Variants in RIMKLA observed in about 807,000 individuals in gnomAD.
RIMKLA encodes the protein ribosomal modification protein rimK like family member A.
RIMKLA carries 14 observed loss-of-function variants against 32.7 expected under a neutral mutation model. That is an observed-to-expected ratio of 0.43 (90% CI 0.28 to 0.67). The LOEUF (loss-of-function observed/expected upper bound fraction) is 0.67, where lower values mean the gene tolerates loss of function less well. RIMKLA is among the 30% of genes least tolerant of loss of function. RIMKLA has a pLI of 0.18. For missense variants in RIMKLA, 410 were observed against 519.0 expected (o/e 0.79, Z 2.04); for synonymous variants, 176 against 204.1 (o/e 0.86, Z 1.18).
In RIMKLA at chr1:42,415,261, G is replaced by C. The variant is rs1235675561; in HGVS notation, c.*287G>C. ...CTGACGCTAAGGCACTGACTCTGCT[G>C]TTGCTTCTGACTTTTAGCAGTAGAA... is the stretch of plus-strand genomic sequence containing the variant. On this transcript the variant is annotated 3_prime_UTR_variant, in exon 5 of 5. Coordinates refer to ENST00000431473, the MANE Select transcript of RIMKLA (RefSeq NM_173642.4). 2 of 320,996 alleles carry C rather than the reference G, an allele frequency of 6.2e-6. No individual in the cohort carries two copies. The highest frequency in any genetic ancestry group is 1.1e-5 in the Non-Finnish European group (2 of 175,166). The allele number at this position is 320,996 out of a possible 1,614,324, so 19.9% of individuals were successfully genotyped here.
chr1:42,385,830 T>TCCTTCCTTCCTTTCTC (rs1557749857), intron 1 of RIMKLA, among the ~76,000 whole-genome samples: 1 of 74,214 alleles, frequency 1.3e-5, no homozygotes, highest in Non-Finnish European at 3.2e-5. Flanking sequence ...CTTCCTTCCT[T>TCCTTCCTTCCTTTCTC]TCTTTCTTTC....
In RIMKLA at chr1:42,415,002, C is replaced by A; in HGVS notation, c.*28C>A. ...TCCTGCTTTTTGGCAGCATTTAAAC[C>A]AAATCCTACTGCTTCCCTAGTAGTT... On this transcript the variant is annotated 3_prime_UTR_variant, in exon 5 of 5. Coordinates refer to ENST00000431473, the MANE Select transcript of RIMKLA (RefSeq NM_173642.4). The A allele has an allele frequency of 6.4e-7, 1 of 1,567,872 alleles. No homozygotes were observed. Among genetic ancestry groups the A allele is most frequent in the South Asian group, 1.2e-5 (1 of 84,350 alleles).
intron 1 of RIMKLA, among the ~76,000 whole-genome samples, chr1:42,385,852 T>C (rs557226424): frequency 0.047 from 1,056 of 22,672 alleles, 179 homozygotes; most frequent in East Asian, 0.11. Flanking sequence ...TTCTCTTTCT[T>C]TCTTTCTTTC....
chr1:42,407,111 G>T (rs1643154025), intron 3 of RIMKLA, among the ~76,000 whole-genome samples: 1 of 151,930 alleles, frequency 6.6e-6, no homozygotes, highest in African/African-American at 2.4e-5. Context: ...TTGTCATGTT[G>T]CCCAGGCTGG....
At chr1:42,382,779 G>A (rs373910407) in intron 1 of RIMKLA, among the ~76,000 whole-genome samples, 16 of 152,236 alleles carry the variant, frequency 1.1e-4, no homozygotes, top group African/African-American at 3.9e-4. Flanking sequence ...GAAACACTCA[G>A]ACCCTTTTGT....
rs1643283469 is a variant in RIMKLA, at chr1:42,420,212, A to G, written c.*5238A>G. ...TTTTTGCAGCCACTGCTGACTCCAC[A>G]CTTCTGCTACCTCATTTTAAATAGC... On this transcript the variant is annotated 3_prime_UTR_variant, in exon 5 of 5. Coordinates refer to ENST00000431473, the MANE Select transcript of RIMKLA (RefSeq NM_173642.4). 6.6e-6 allele frequency: 1 copy of G among 152,126 alleles called. No individual in the cohort carries two copies. 9.4% of individuals were successfully genotyped at this position (152,126 alleles called of 1,614,324 possible). A position where few individuals can be genotyped will look rare whatever the true frequency, so the allele number is the denominator to read the frequency against.
At chr1:42,412,467 C>A in intron 4 of RIMKLA, 1 of 338,742 alleles carries the variant, frequency 3.0e-6, no homozygotes, top group South Asian at 2.5e-5. Flanking sequence ...CCATGATGGC[C>A]ATGATGCCAG....
chr1:42,391,108 T>C (rs1642996632), intron 1 of RIMKLA, among the ~76,000 whole-genome samples: 1 of 152,088 alleles, frequency 6.6e-6, no homozygotes, highest in Non-Finnish European at 1.5e-5. Context: ...GGTTGGAGAT[T>C]AGAATAAGGA....
intron 1 of RIMKLA, 81 bp from the exon 2 acceptor site, chr1:42,399,323 T>G: frequency 2.8e-6 from 3 of 1,063,052 alleles, no homozygotes; most frequent in Non-Finnish European, 4.1e-6. Context: ...AGGTTCAGTC[T>G]TGAAGAGTCT....
At chr1:42,395,304 G>C (rs1643033476) in intron 1 of RIMKLA, among the ~76,000 whole-genome samples, 3 of 151,432 alleles carry the variant, frequency 2.0e-5, no homozygotes, top group Admixed American at 6.6e-5. Context: ...TTTGAGGTTT[G>C]ATCTTTTTTC....
chr1:42,387,079 A>G (rs1642955899), intron 1 of RIMKLA, among the ~76,000 whole-genome samples: 1 of 151,044 alleles, frequency 6.6e-6, no homozygotes, highest in African/African-American at 2.4e-5. Context: ...ATAAATAAAT[A>G]AATAAATAAA....
Position 42,417,233 on chromosome 1 carries a change from G to C in RIMKLA, c.*2259G>C, listed in dbSNP as rs1353354017. 1 of 152,326 alleles carries C rather than the reference G, an allele frequency of 6.6e-6. No individual in the cohort carries two copies. Among genetic ancestry groups the C allele is most frequent in the Non-Finnish European group, 1.5e-5 (1 of 68,136 alleles). 9.4% of individuals were successfully genotyped at this position (152,326 alleles called of 1,614,324 possible). A position where few individuals can be genotyped will look rare whatever the true frequency, so the allele number is the denominator to read the frequency against. ...CTTCCAGATTCCTTTGCCAAAGGAG[G>C]CCCATTTTCCAGCTGTGAGTGACAT... On this transcript the variant is annotated 3_prime_UTR_variant, in exon 5 of 5. Transcript: ENST00000431473.
rs1259888834 is a variant in RIMKLA at position 42,424,232 on chromosome 1, A to C, written c.*9258A>C. Among the ~76,000 whole-genome samples, 1 of 152,244 alleles carries C rather than the reference A, an allele frequency of 6.6e-6. No individual in the cohort carries two copies. The highest frequency in any genetic ancestry group is 1.5e-5 in the Non-Finnish European group (1 of 68,046). Reference sequence around the variant, plus strand: ...ACATTAAATATCGAGGGATAGAGGTACATCATGTTTGCAATTTACTTTCAA... The same window carrying C: ...ACATTAAATATCGAGGGATAGAGGTCCATCATGTTTGCAATTTACTTTCAA... On this transcript the variant is annotated 3_prime_UTR_variant, in exon 5 of 5. Coordinates refer to ENST00000431473, the MANE Select transcript of RIMKLA (RefSeq NM_173642.4).
intron 4 of RIMKLA, chr1:42,412,401 G>C (rs934843963): frequency 3.8e-6 from 1 of 260,932 alleles, no homozygotes; most frequent in Non-Finnish European, 7.6e-6. Flanking sequence ...TACATCCCTA[G>C]AAAAATAATC....
At position 42,414,382 on chromosome 1, in the gene RIMKLA, G is replaced by T. The variant is rs985216025; in HGVS notation, c.686-102G>T. On this transcript the variant is annotated intron_variant, in intron 4 of 4. Coordinates refer to ENST00000431473, the MANE Select transcript of RIMKLA (RefSeq NM_173642.4). ...TCCAGACCTTTTGTGATTAATGATC[G>T]AGCCTCTCTTTCTGCCCCTCCTGGG... is the stretch of plus-strand genomic sequence containing the variant. 5.8e-6 allele frequency: 7 copies of T among 1,206,670 alleles called. No individual in the cohort carries two copies. The Admixed American group carries it at 1.6e-4, about 27-fold the overall frequency. The allele number at this position is 1,206,670 out of a possible 1,614,324, so 74.7% of individuals were successfully genotyped here.
chr1:42,391,640 G>A (rs1017751040), intron 1 of RIMKLA, among the ~76,000 whole-genome samples: 2 of 152,148 alleles, frequency 1.3e-5, no homozygotes, highest in Non-Finnish European at 2.9e-5. Flanking sequence ...GAGTGGAGAT[G>A]GGAAGAGGTG....
In RIMKLA at chr1:42,415,118, T is replaced by G. The variant is rs559463243; in HGVS notation, c.*144T>G. The G allele has an allele frequency of 1.2e-6, 1 of 866,906 alleles. No homozygotes were observed. Among genetic ancestry groups the G allele is most frequent in the South Asian group, 1.8e-5 (1 of 56,758 alleles). The allele number at this position is 866,906 out of a possible 1,614,324, so 53.7% of individuals were successfully genotyped here. On this transcript the variant is annotated 3_prime_UTR_variant, in exon 5 of 5. Transcript: ENST00000431473. ...ACTCAGCATTTTTTCTAACGATGAT[T>G]TAAGCAAATGGCCTAGCTTTGTGGT...
chr1:42,411,058 G>A (rs1438535536), intron 4 of RIMKLA, among the ~76,000 whole-genome samples: 1 of 152,184 alleles, frequency 6.6e-6, no homozygotes, highest in African/African-American at 2.4e-5. Flanking sequence ...GGCCAGTTGT[G>A]GTGGCTTATG....
chr1:42,413,353 T>C (rs796320251), intron 4 of RIMKLA, among the ~76,000 whole-genome samples: 2 of 151,298 alleles, frequency 1.3e-5, no homozygotes, highest in African/African-American at 4.9e-5. Flanking sequence ...ATACAACAAT[T>C]AGCTGGGTGT....
Sources: allele counts gnomAD v4.1 joint callset (sites outside exome capture counted in the v4.1 genomes callset), GRCh38; gene constraint gnomAD v4.1.1; transcripts MANE v1.5; gene names NCBI Gene and HGNC (gene_info 2026-07-23, HGNC 2026-07-21).